Variants in GRIK2 observed in about 807,000 individuals in gnomAD.
The protein encoded by GRIK2 is glutamate receptor ionotropic, kainate 2.
Under a neutral mutation model 100.3 loss-of-function variants are expected in GRIK2, and 32 were observed. That is an observed-to-expected ratio of 0.32 (90% CI 0.24 to 0.43). The LOEUF (loss-of-function observed/expected upper bound fraction) is 0.43, where lower values mean the gene tolerates loss of function less well. GRIK2 is among the 20% of genes least tolerant of loss of function. The pLI is 1.00. For synonymous variants in GRIK2, 417 were observed against 389.4 expected (o/e 1.07, Z -0.83); for missense variants, 843 against 1,114.9 (o/e 0.76, Z 3.47).
At chr6:101,791,840 C>G (rs1435285646) in intron 7 of GRIK2, among the ~76,000 whole-genome samples, 1 of 151,510 alleles carries the variant, frequency 6.6e-6, no homozygotes, top group African/African-American at 2.4e-5. Flanking sequence ...GTGTGGGAGT[C>G]TAAGTCTCTT....
chr6:101,498,055 C>T (rs1361276309), intron 2 of GRIK2, among the ~76,000 whole-genome samples: 1 of 124,824 alleles, frequency 8.0e-6, no homozygotes, highest in East Asian at 2.5e-4. Context: ...GTGTGATGTT[C>T]CCCTTCCTGT....
At chr6:101,450,782 A>T (rs1300267781) in intron 2 of GRIK2, among the ~76,000 whole-genome samples, 1 of 151,908 alleles carries the variant, frequency 6.6e-6, no homozygotes, top group Non-Finnish European at 1.5e-5. Flanking sequence ...AAGTAAAGAA[A>T]AGAAGGAAAA....
intron 2 of GRIK2, among the ~76,000 whole-genome samples, chr6:101,451,571 C>A (rs530578311): frequency 1.3e-5 from 2 of 151,444 alleles, no homozygotes; most frequent in South Asian, 2.1e-4. Context: ...TTCATGAAGA[C>A]AGCATGGAAT....
At chr6:101,988,138 C>T (rs111306667) in intron 14 of GRIK2, among the ~76,000 whole-genome samples, 1,066 of 13,488 alleles carry the variant, frequency 0.079, 11 homozygotes, top group African/African-American at 0.12. Flanking sequence ...TGTGTGCGCG[C>T]GCGCGCGCGC....
intron 14 of GRIK2, among the ~76,000 whole-genome samples, chr6:101,959,652 A>C (rs1247434893): frequency 2.6e-5 from 4 of 151,906 alleles, no homozygotes; most frequent in Non-Finnish European, 4.4e-5. Context: ...TTGAATTTCT[A>C]TTCCCTTGAG....
At chr6:101,811,969 A>G (rs919242766) in intron 9 of GRIK2, among the ~76,000 whole-genome samples, 13 of 151,610 alleles carry the variant, frequency 8.6e-5, no homozygotes, top group African/African-American at 7.2e-5. Context: ...AAACAAAATT[A>G]TATGAATAAT....
chr6:101,954,861 A>G (rs1226025071), intron 14 of GRIK2, among the ~76,000 whole-genome samples: 1 of 152,140 alleles, frequency 6.6e-6, no homozygotes, highest in East Asian at 1.9e-4. Flanking sequence ...GCCTTAAACA[A>G]TGTTGAAGGC....
At chr6:101,955,527 G>A (rs540311032) in intron 14 of GRIK2, among the ~76,000 whole-genome samples, 1 of 149,884 alleles carries the variant, frequency 6.7e-6, no homozygotes, top group African/African-American at 2.5e-5. Flanking sequence ...AGGCATGGTG[G>A]AATGCTCCCA....
At chr6:101,530,391 A>G (rs1016531263) in intron 2 of GRIK2, among the ~76,000 whole-genome samples, 45 of 152,198 alleles carry the variant, frequency 3.0e-4, no homozygotes, top group Non-Finnish European at 5.7e-4. Context: ...AGCCATGTCA[A>G]AAAACATTCT....
intron 14 of GRIK2, among the ~76,000 whole-genome samples, chr6:102,011,159 C>A (rs910661879): frequency 2.6e-5 from 4 of 152,148 alleles, no homozygotes; most frequent in Non-Finnish European, 5.9e-5. Context: ...TGCATTCCCA[C>A]TAGCAATGAG....
At chr6:101,549,887 A>T (rs1001507132) in intron 2 of GRIK2, among the ~76,000 whole-genome samples, 2 of 152,168 alleles carry the variant, frequency 1.3e-5, no homozygotes, top group East Asian at 1.9e-4. Context: ...AGATAAGAAG[A>T]TATGGAGTTG....
At chr6:101,470,012 T>C (rs1394695239) in intron 2 of GRIK2, among the ~76,000 whole-genome samples, 1 of 152,182 alleles carries the variant, frequency 6.6e-6, no homozygotes, top group Non-Finnish European at 1.5e-5. Flanking sequence ...GCTGATTCCC[T>C]CTATGTATCT....
At chr6:101,498,760 G>C (rs1773589540) in intron 2 of GRIK2, among the ~76,000 whole-genome samples, 1 of 151,978 alleles carries the variant, frequency 6.6e-6, no homozygotes, top group Non-Finnish European at 1.5e-5. Flanking sequence ...TGTAGATTCT[G>C]GATATTAGCC....
intron 15 of GRIK2, among the ~76,000 whole-genome samples, chr6:102,054,489 G>C (rs1193518706): frequency 6.6e-6 from 1 of 152,022 alleles, no homozygotes; most frequent in African/African-American, 2.4e-5. Flanking sequence ...CCTTGGAACA[G>C]ATATAGAAAA....
At chr6:101,930,350 A>AT (rs940631517) in intron 14 of GRIK2, among the ~76,000 whole-genome samples, 1 of 39,512 alleles carries the variant, frequency 2.5e-5, no homozygotes, top group African/African-American at 1.0e-4. Context: ...CTCAAAAAAA[A>AT]AAAATAAAAT....
chr6:101,795,439 C>A (rs1037550758), intron 7 of GRIK2, among the ~76,000 whole-genome samples: 1 of 152,100 alleles, frequency 6.6e-6, no homozygotes, highest in Non-Finnish European at 1.5e-5. Context: ...GCTAAGTGTG[C>A]CTGTCTTTAG....
intron 15 of GRIK2, among the ~76,000 whole-genome samples, chr6:102,042,589 C>T (rs1184438391): frequency 6.6e-6 from 1 of 151,394 alleles, no homozygotes; most frequent in Non-Finnish European, 1.5e-5. Context: ...ATATTTTTTT[C>T]TTCCAATTTT....
chr6:101,876,095 C>A, intron 11 of GRIK2, among the ~76,000 whole-genome samples: 1 of 151,296 alleles, frequency 6.6e-6, no homozygotes. Context: ...CACATAAAAT[C>A]AGAAGCCTGT....
intron 14 of GRIK2, among the ~76,000 whole-genome samples, chr6:102,016,108 A>G (rs1316299059): frequency 6.6e-6 from 1 of 152,174 alleles, no homozygotes; most frequent in African/African-American, 2.4e-5. Flanking sequence ...GTTTCCTCCA[A>G]ATGACTGCAC....
Sources: allele counts gnomAD v4.1 joint callset (sites outside exome capture counted in the v4.1 genomes callset), GRCh38; gene constraint gnomAD v4.1.1; transcripts MANE v1.5; gene names NCBI Gene and HGNC (gene_info 2026-07-23, HGNC 2026-07-21).